EFCAB11: variants seen among roughly 807,000 people sequenced by gnomAD.
EFCAB11 encodes the protein EF-hand calcium binding domain 11, also known as EF-hand calcium-binding domain-containing protein 11.
In EFCAB11, 14 loss-of-function variants were observed where a neutral mutation model predicts 23.0. The ratio of observed to expected loss-of-function variants is 0.61; its 90% CI spans 0.40 to 0.95. The LOEUF is 0.95. Among genes scored for constraint, EFCAB11 ranks in the 40% least tolerant of loss-of-function variants. The probability of loss-of-function intolerance (pLI) is 0.00; values close to 1 mark genes in which losing one functional copy is unlikely to be tolerated. For synonymous variants in EFCAB11, 65 were observed against 66.6 expected (o/e 0.98, Z 0.11); for missense variants, 198 against 195.8 (o/e 1.01, Z -0.07).
At chr14:89,922,672 G>A (rs1210343759) in intron 5 of EFCAB11, among the ~76,000 whole-genome samples, 1 of 152,232 alleles carries the variant, frequency 6.6e-6, no homozygotes, top group East Asian at 1.9e-4. Context: ...ATAAGATGAA[G>A]TCATCTATTC....
chr14:89,834,375 CAAAAAAAAA>C lies in EFCAB11; in HGVS notation c.411-37060_411-37052del, dbSNP rs5810476. Among the ~76,000 whole-genome samples the C allele has an allele frequency of 1.4e-3, 46 of 32,444 alleles. No individual in the cohort carries two copies. The South Asian group carries it at 0.047, about 33-fold the overall frequency. 21.3% of individuals were successfully genotyped at this position (32,444 alleles called of 152,430 possible). On this transcript the variant is annotated intron_variant, in intron 5 of 5. Transcript: ENST00000316738. ...TGGGCAACAGAGTGAGACTCCGTCTCAAAAAAAAAAAAAAAAAAAAAAAAAAAACCTTTT... is the reference window on the plus strand; with the variant it reads ...TGGGCAACAGAGTGAGACTCCGTCTCAAAAAAAAAAAAAAAAAAACCTTTT...
intron 5 of EFCAB11, among the ~76,000 whole-genome samples, chr14:89,842,168 A>G (rs1257644905): frequency 6.6e-6 from 1 of 152,154 alleles, no homozygotes; most frequent in African/African-American, 2.4e-5. Context: ...AAGTGTATGC[A>G]TGTCTCTCCA....
At chr14:89,847,054 C>T (rs1887451828) in intron 5 of EFCAB11, among the ~76,000 whole-genome samples, 1 of 152,214 alleles carries the variant, frequency 6.6e-6, no homozygotes, top group South Asian at 2.1e-4. Flanking sequence ...GGAATTTATA[C>T]CAGTTTTCTC....
At chr14:89,802,979 T>A (rs1189256083) in intron 5 of EFCAB11, among the ~76,000 whole-genome samples, 2 of 152,156 alleles carry the variant, frequency 1.3e-5, no homozygotes, top group Non-Finnish European at 1.5e-5. Flanking sequence ...AATGCTCTGA[T>A]ATAGCAGAGA....
intron 5 of EFCAB11, among the ~76,000 whole-genome samples, chr14:89,834,204 G>C (rs968799813): frequency 6.7e-6 from 1 of 148,886 alleles, no homozygotes; most frequent in South Asian, 2.1e-4. Flanking sequence ...GTGAAACTCC[G>C]TCTCTACTAA....
chr14:89,894,182 C>T (rs1470803204), intron 5 of EFCAB11, among the ~76,000 whole-genome samples: 2 of 152,026 alleles, frequency 1.3e-5, no homozygotes, highest in Non-Finnish European at 2.9e-5. Context: ...GATCTCCTGA[C>T]CTCGTGATCC....
At chr14:89,954,139 A>G (rs1044053008) in intron 1 of EFCAB11, 138 bp from the exon 2 acceptor site, 4 of 902,246 alleles carry the variant, frequency 4.4e-6, no homozygotes, top group Admixed American at 2.8e-5. Flanking sequence ...CATTATCCCA[A>G]TATTAATTCT....
At chr14:89,936,780 A>C (rs914412457) in intron 3 of EFCAB11, among the ~76,000 whole-genome samples, 4 of 152,180 alleles carry the variant, frequency 2.6e-5, no homozygotes, top group Admixed American at 2.6e-4. Flanking sequence ...GAAGCTCTGC[A>C]ATGAAAACAC....
chr14:89,847,186 CT>C (rs1887455406), intron 5 of EFCAB11, among the ~76,000 whole-genome samples: 2 of 152,152 alleles, frequency 1.3e-5, no homozygotes, highest in African/African-American at 4.8e-5. Context: ...TCCAAATAAC[CT>C]TTTTAAATTC....
chr14:89,840,355 CT>C (rs1177790895), intron 5 of EFCAB11, among the ~76,000 whole-genome samples: 1 of 152,188 alleles, frequency 6.6e-6, no homozygotes, highest in Non-Finnish European at 1.5e-5. Context: ...TTGTTTTGTA[CT>C]TTGCATAATT....
chr14:89,842,687 G>C (rs1203912855), intron 5 of EFCAB11, among the ~76,000 whole-genome samples: 1 of 152,042 alleles, frequency 6.6e-6, no homozygotes, highest in African/African-American at 2.4e-5. Context: ...GTATCTTCCA[G>C]TTCCCCTCAG....
rs550136009 is a variant in EFCAB11 at position 89,907,560 on chromosome 14, C to T, written c.410+23981G>A. ...GGTTATGGTCATAGATTATATAGCT[C>T]TATTTTTTACTATGAAAATTTATAT... is the stretch of plus-strand genomic sequence containing the variant. On this transcript the variant is annotated intron_variant, in intron 5 of 5. Transcript: ENST00000316738. Among the ~76,000 whole-genome samples, 493 of 152,224 alleles carry T rather than the reference C, an allele frequency of 3.2e-3. 5 individuals carry two copies. The highest frequency in any genetic ancestry group is 0.011 in the African/African-American group (473 of 41,538).
chr14:89,796,176 C>T lies in EFCAB11; in HGVS notation c.*1067G>A, dbSNP rs962754813. 6.6e-6 allele frequency: 1 copy of T among 152,336 alleles called. No homozygotes were observed. Among genetic ancestry groups the T allele is most frequent in the Non-Finnish European group, 1.5e-5 (1 of 68,146 alleles). The allele number at this position is 152,336 out of a possible 1,614,324, so 9.4% of individuals were successfully genotyped here. A position where few individuals can be genotyped will look rare whatever the true frequency, so the allele number is the denominator to read the frequency against. On this transcript the variant is annotated 3_prime_UTR_variant, in exon 6 of 6. Coordinates refer to ENST00000316738, the MANE Select transcript of EFCAB11 (RefSeq NM_145231.4). ...CCCTGTTCTTCCTCTGTATATAGCC[C>T]GAGAGGGCTTGCTCATGTTAGCCCA... is the stretch of plus-strand genomic sequence containing the variant.
intron 5 of EFCAB11, among the ~76,000 whole-genome samples, chr14:89,873,894 G>A (rs553430212): frequency 8.5e-5 from 13 of 152,236 alleles, no homozygotes; most frequent in East Asian, 3.9e-4. Flanking sequence ...CCAGGTACAC[G>A]ATCCAAGCTG....
At chr14:89,830,862 T>C (rs140650485) in intron 5 of EFCAB11, 10 of 152,234 alleles carry the variant, frequency 6.6e-5, no homozygotes, top group African/African-American at 2.4e-4. Flanking sequence ...TAAAAATCAT[T>C]TTAAAAGCAA....
At chr14:89,940,986 G>T (rs750301603) in intron 3 of EFCAB11, among the ~76,000 whole-genome samples, 7 of 152,126 alleles carry the variant, frequency 4.6e-5, no homozygotes, top group Non-Finnish European at 7.4e-5. Flanking sequence ...CACAGCCTTT[G>T]CCCTTCATAG....
intron 5 of EFCAB11, among the ~76,000 whole-genome samples, chr14:89,889,771 G>A (rs985341593): frequency 6.6e-6 from 1 of 152,236 alleles, no homozygotes; most frequent in African/African-American, 2.4e-5. Flanking sequence ...TCTCTACTGA[G>A]CTTCCCTGGT....
At position 89,824,108 on chromosome 14, in the gene EFCAB11, G is replaced by C. The variant is rs151236998; in HGVS notation, c.411-26784C>G. Among the ~76,000 whole-genome samples, 997 of 152,000 alleles carry C rather than the reference G, an allele frequency of 6.6e-3. 8 individuals carry two copies. The highest frequency in any genetic ancestry group is 0.023 in the African/African-American group (959 of 41,468). On this transcript the variant is annotated intron_variant, in intron 5 of 5. Transcript: ENST00000316738. ...AATGAACTCTAAGTAAGATAATGAA[G>C]AACACTATAAAAAACAACACCATAA...
intron 5 of EFCAB11, among the ~76,000 whole-genome samples, chr14:89,833,743 C>T (rs539604882): frequency 1.3e-5 from 2 of 152,252 alleles, no homozygotes; most frequent in Non-Finnish European, 2.9e-5. Flanking sequence ...AATCATGGAA[C>T]ATCCATTGTC....
Sources: allele counts gnomAD v4.1 joint callset (sites outside exome capture counted in the v4.1 genomes callset), GRCh38; gene constraint gnomAD v4.1.1; transcripts MANE v1.5; gene names NCBI Gene and HGNC (gene_info 2026-07-23, HGNC 2026-07-21).